The following TBX19 variants were observed in gnomAD, a reference collection of about 807,000 sequenced individuals.
TBX19 encodes the protein T-box transcription factor 19.
Under a neutral mutation model 40.9 loss-of-function variants are expected in TBX19, and 33 were observed. That is an observed-to-expected ratio of 0.81 (90% CI 0.61 to 1.08). The LOEUF is 1.08. Among genes scored for constraint, TBX19 ranks in the 50% least tolerant of loss-of-function variants. TBX19 has a pLI of 0.00. For missense variants in TBX19, 494 were observed against 574.0 expected (o/e 0.86, Z 1.42); for synonymous variants, 220 against 225.0 (o/e 0.98, Z 0.20).
chr1:168,297,879 T>C, intron 4 of TBX19, 94 bp downstream of exon 4: 2 of 1,105,678 alleles, frequency 1.8e-6, no homozygotes, highest in African/African-American at 1.6e-5. Context: ...ACTAGACTAG[T>C]AGCACTTTCA....
chr1:168,300,614 C>T, intron 5 of TBX19, 131 bp downstream of exon 5: 2 of 850,046 alleles, frequency 2.4e-6, no homozygotes, highest in South Asian at 1.5e-5. Context: ...ACAGTTTATT[C>T]TATTAAGGAC....
chr1:168,290,500 C>G (rs1648911066), intron 1 of TBX19, among the ~76,000 whole-genome samples: 1 of 152,238 alleles, frequency 6.6e-6, no homozygotes, highest in Non-Finnish European at 1.5e-5. Context: ...GAGGAAAGAA[C>G]TGGTCTCACT....
chr1:168,314,028 T>C lies in TBX19; in HGVS notation c.*1026T>C, dbSNP rs945775793. On this transcript the variant is annotated 3_prime_UTR_variant, in exon 8 of 8. Transcript: ENST00000367821. ...CCTCTGTTATCCTGTTGGCCTCCTATGTATTGGTCAAGGCAGGCATCTCTG... is the reference window on the plus strand; with the variant it reads ...CCTCTGTTATCCTGTTGGCCTCCTACGTATTGGTCAAGGCAGGCATCTCTG... The C allele has an allele frequency of 1.1e-4, 17 of 152,476 alleles. No individual in the cohort carries two copies. Among genetic ancestry groups the C allele is most frequent in the African/African-American group, 2.9e-4 (12 of 41,588 alleles). 9.4% of individuals were successfully genotyped at this position (152,476 alleles called of 1,614,324 possible). A position where few individuals can be genotyped will look rare whatever the true frequency, so the allele number is the denominator to read the frequency against.
chr1:168,293,353 G>A, intron 3 of TBX19, 75 bp downstream of exon 3: 1 of 1,496,130 alleles, frequency 6.7e-7, no homozygotes, highest in Non-Finnish European at 9.0e-7. Context: ...ATCATGGCAG[G>A]ATGGGCGGGG....
chr1:168,301,270 CT>C (rs35805859), intron 5 of TBX19, among the ~76,000 whole-genome samples: 2 of 149,408 alleles, frequency 1.3e-5, no homozygotes, highest in Admixed American at 6.7e-5. Flanking sequence ...GAAAAGCACT[CT>C]TTTTTTTTTG....
chr1:168,304,967 TCA>T (rs1388191654), intron 5 of TBX19, 39 bp from the exon 6 acceptor site: 1 of 1,603,360 alleles, frequency 6.2e-7, no homozygotes, highest in South Asian at 1.1e-5. Context: ...GTGTGGGAGT[TCA>T]CAGACTCAGT....
chr1:168,308,870 G>A lies in TBX19; in HGVS notation c.1045G>A (p.Gly349Arg). ...CCACACCAACGGACCAATCAATCCA[G>A]GGCCCAGGTAAGACCAACACCATCA... ...VPHTNGPINP[G>R]PSPYPCLWTI... The change falls in exon 7 of 8, where the codon GGG becomes AGG. Residue 349 changes from glycine to arginine, a missense_variant. Physicochemically the swap from Gly to Arg is moderately radical, Grantham distance 125. Coordinates refer to ENST00000367821, the MANE Select transcript of TBX19 (RefSeq NM_005149.3). 1 of 1,614,058 alleles carries A rather than the reference G, an allele frequency of 6.2e-7. No homozygotes were observed. The highest frequency in any genetic ancestry group is 1.6e-4 in the Middle Eastern group (1 of 6,062).
chr1:168,294,863 C>T (rs1440946563), intron 3 of TBX19, among the ~76,000 whole-genome samples: 2 of 152,102 alleles, frequency 1.3e-5, no homozygotes, highest in East Asian at 1.9e-4. Flanking sequence ...CATTTGCTTG[C>T]GTGGGTGAAC....
At chr1:168,304,868 C>G (rs894668010) in intron 5 of TBX19, 140 bp from the exon 6 acceptor site, 1 of 875,180 alleles carries the variant, frequency 1.1e-6, no homozygotes, top group Non-Finnish European at 1.8e-6. Flanking sequence ...GATGGTACCA[C>G]CACACAGGCT....
intron 1 of TBX19, among the ~76,000 whole-genome samples, chr1:168,289,184 A>G (rs1320086043): frequency 2.0e-5 from 3 of 152,214 alleles, no homozygotes; most frequent in Non-Finnish European, 4.4e-5. Context: ...TATGATCCCT[A>G]GAATCATTTC....
intron 5 of TBX19, among the ~76,000 whole-genome samples, chr1:168,301,824 G>T (rs1036720379): frequency 6.6e-6 from 1 of 152,190 alleles, no homozygotes; most frequent in East Asian, 1.9e-4. Context: ...TTCCAGGAAC[G>T]TGAAGATAAT....
chr1:168,308,623 A>T, intron 6 of TBX19, 119 bp from the exon 7 acceptor site: 2 of 1,288,080 alleles, frequency 1.6e-6, no homozygotes, highest in Non-Finnish European at 2.2e-6. Flanking sequence ...AAGAACTAAC[A>T]AACTGTTGGT....
chr1:168,297,769 T>C lies in TBX19; in HGVS notation c.649T>C (p.Leu217=). The change falls in exon 4 of 8, where the codon TTG becomes CTG. Residue 217 remains leucine, a synonymous_variant. Transcript: ENST00000367821. ...IKYNPFAKAF[L]DAKERNHLRD... Reference sequence around the variant, plus strand: ...GTACAATCCTTTTGCCAAAGCCTTCTTGGATGCCAAGGAAAGGTAAGTAAA... The same window carrying C: ...GTACAATCCTTTTGCCAAAGCCTTCCTGGATGCCAAGGAAAGGTAAGTAAA... The C allele has an allele frequency of 1.9e-6, 3 of 1,614,154 alleles. No individual in the cohort carries two copies. The South Asian group carries it at 3.3e-5, about 18-fold the overall frequency.
intron 1 of TBX19, among the ~76,000 whole-genome samples, chr1:168,288,404 T>C (rs981670753): frequency 7.9e-5 from 12 of 152,278 alleles, no homozygotes; most frequent in Admixed American, 7.8e-4. Flanking sequence ...CTATTATCAT[T>C]AGAAAAACAA....
intron 5 of TBX19, among the ~76,000 whole-genome samples, chr1:168,302,276 G>A (rs1166309132): frequency 6.6e-6 from 1 of 152,230 alleles, no homozygotes; most frequent in Non-Finnish European, 1.5e-5. Context: ...GGAAAATGAA[G>A]ATGACAAAAG....
At chr1:168,284,906 C>T (rs1214385952) in intron 1 of TBX19, among the ~76,000 whole-genome samples, 1 of 151,542 alleles carries the variant, frequency 6.6e-6, no homozygotes, top group East Asian at 1.9e-4. Flanking sequence ...TTAAATTTGC[C>T]GATTAGTTTC....
At chr1:168,294,515 T>A (rs1649052205) in intron 3 of TBX19, among the ~76,000 whole-genome samples, 1 of 151,626 alleles carries the variant, frequency 6.6e-6, no homozygotes, top group South Asian at 2.1e-4. Context: ...TTTTTGTTTT[T>A]TTTTGAGACA....
intron 6 of TBX19, chr1:168,308,384 C>T: frequency 3.0e-6 from 1 of 337,472 alleles, no homozygotes; most frequent in East Asian, 7.9e-5. Flanking sequence ...GGCCCTTAGG[C>T]TTAGCTTGAG....
chr1:168,282,664 T>TA (rs1648689315), intron 1 of TBX19, among the ~76,000 whole-genome samples: 1 of 152,232 alleles, frequency 6.6e-6, no homozygotes, highest in African/African-American at 2.4e-5. Flanking sequence ...TTCACAGAAT[T>TA]ACACCAAATT....
Sources: allele counts gnomAD v4.1 joint callset (sites outside exome capture counted in the v4.1 genomes callset), GRCh38; gene constraint gnomAD v4.1.1; transcripts MANE v1.5; gene names NCBI Gene and HGNC (gene_info 2026-07-23, HGNC 2026-07-21).